Variants in MCC observed in about 807,000 individuals in gnomAD.
The protein encoded by MCC is colorectal mutant cancer protein.
MCC carries 90 observed loss-of-function variants against 116.2 expected under a neutral mutation model. The observed-to-expected ratio is 0.77, with a 90% CI of 0.65 to 0.92. The LOEUF (loss-of-function observed/expected upper bound fraction) is 0.92, where lower values mean the gene tolerates loss of function less well. Ranked by LOEUF, MCC falls within the 40% of genes least tolerant of loss-of-function variation. MCC has a pLI of 0.00. For missense variants in MCC, 1,516 were observed against 1,312.2 expected, an observed-to-expected ratio of 1.16 and a Z score of -2.40; for synonymous variants, 578 against 510.5, an observed-to-expected ratio of 1.13 and a Z score of -1.78.
At chr5:113,450,007 T>C (rs570370623) in intron 1 of MCC, among the ~76,000 whole-genome samples, 13 of 152,300 alleles carry the variant, frequency 8.5e-5, no homozygotes, top group African/African-American at 1.9e-4. Flanking sequence ...GTTTGCACAA[T>C]TGCACAATGT....
intron 13 of MCC, among the ~76,000 whole-genome samples, chr5:113,066,201 C>A (rs1455736385): frequency 1.3e-5 from 2 of 152,140 alleles, no homozygotes; most frequent in South Asian, 4.1e-4. Flanking sequence ...AATAACTGCA[C>A]TGAGTAGGTA....
chr5:113,050,762 T>C (rs1752431502), intron 15 of MCC, among the ~76,000 whole-genome samples: 1 of 152,114 alleles, frequency 6.6e-6, no homozygotes. Flanking sequence ...GTGCCAGAAA[T>C]GAAGAGGGAA....
intron 2 of MCC, among the ~76,000 whole-genome samples, chr5:113,380,412 C>T (rs563095402): frequency 6.6e-6 from 1 of 152,232 alleles, no homozygotes. Flanking sequence ...TGTGCTTATG[C>T]ATCCACAATC....
intron 3 of MCC, among the ~76,000 whole-genome samples, chr5:113,153,931 C>T (rs1760028670): frequency 6.6e-6 from 1 of 152,244 alleles, no homozygotes; most frequent in African/African-American, 2.4e-5. Context: ...AGGGCCAAGG[C>T]CACAGCACTC....
chr5:113,304,119 G>A (rs1271310042), intron 3 of MCC, among the ~76,000 whole-genome samples: 2 of 152,124 alleles, frequency 1.3e-5, no homozygotes, highest in African/African-American at 4.8e-5. Context: ...TAGAGAATCT[G>A]GGCTGTTAGC....
intron 11 of MCC, among the ~76,000 whole-genome samples, chr5:113,072,803 C>A (rs1754129845): frequency 6.6e-6 from 1 of 152,228 alleles, no homozygotes; most frequent in African/African-American, 2.4e-5. Context: ...TCACAACTTT[C>A]TCTAGCCCAG....
chr5:113,434,195 G>T lies in MCC; in HGVS notation c.171-48983C>A. On this transcript the variant is annotated intron_variant, in intron 1 of 18. Coordinates refer to ENST00000408903, the MANE Select transcript of MCC (RefSeq NM_001085377.2). This position sits in a 1 kb window ranked among gnomAD's most constrained non-coding sequence, Gnocchi z 4.2. ...TCTTCTTGATGTTGGAGTCGTCGTA[G>T]GGCATGGAGCCGCAGACCATGATGT... The T allele has an allele frequency of 6.2e-7, 1 of 1,614,136 alleles. No individual in the cohort carries two copies. The highest frequency in any genetic ancestry group is 8.5e-7 in the Non-Finnish European group (1 of 1,179,992).
chr5:113,062,246 A>C (rs758345174), intron 14 of MCC, among the ~76,000 whole-genome samples: 22 of 152,220 alleles, frequency 1.4e-4, no homozygotes, highest in Non-Finnish European at 2.6e-4. Flanking sequence ...AATTTATCTC[A>C]ATCTGCAGAA....
At chr5:113,248,614 C>T (rs17135493) in intron 3 of MCC, among the ~76,000 whole-genome samples, 18,219 of 152,008 alleles carry the variant, frequency 0.12, 2,635 homozygotes, top group African/African-American at 0.35. Context: ...AGTGTTGAAA[C>T]CCCGGTTGAC....
chr5:113,218,075 G>A (rs1275004061), intron 3 of MCC, among the ~76,000 whole-genome samples: 1 of 146,442 alleles, frequency 6.8e-6, no homozygotes, highest in Non-Finnish European at 1.5e-5. Context: ...CTCTTAAGAA[G>A]CCAGAAGGAT....
At chr5:113,299,624 G>A (rs1184867367) in intron 3 of MCC, among the ~76,000 whole-genome samples, 1 of 152,148 alleles carries the variant, frequency 6.6e-6, no homozygotes, top group Non-Finnish European at 1.5e-5. Context: ...ATAAGTAAAA[G>A]GTTTCACAAT....
chr5:113,102,437 C>A (rs1756480139), intron 7 of MCC, among the ~76,000 whole-genome samples: 1 of 152,204 alleles, frequency 6.6e-6, no homozygotes, highest in Non-Finnish European at 1.5e-5. Context: ...TTACCATTTC[C>A]AGCTTTTAGT....
chr5:113,088,279 G>T lies in MCC; in HGVS notation c.1399-2969C>A, dbSNP rs545591863. Among the ~76,000 whole-genome samples, 26 of 152,066 alleles carry T rather than the reference G, an allele frequency of 1.7e-4. No individual in the cohort carries two copies. The East Asian group carries it at 4.5e-3, about 26-fold the overall frequency. ...TGAGAGTGAGAATCTTAATTTACAG[G>T]AATAAATGCAAGAAACTAAGGCTAA... On this transcript the variant is annotated intron_variant, in intron 8 of 18. Coordinates refer to ENST00000408903, the MANE Select transcript of MCC (RefSeq NM_001085377.2).
At chr5:113,291,289 T>C (rs1231359502) in intron 3 of MCC, among the ~76,000 whole-genome samples, 2 of 152,050 alleles carry the variant, frequency 1.3e-5, no homozygotes, top group African/African-American at 2.4e-5. Context: ...ATTCCTGGAG[T>C]ACTAGGTGCA....
At chr5:113,065,672 T>C (rs1753554129) in intron 13 of MCC, among the ~76,000 whole-genome samples, 2 of 152,082 alleles carry the variant, frequency 1.3e-5, no homozygotes, top group African/African-American at 2.4e-5. Flanking sequence ...AATGAAAGAA[T>C]GAACAGAATG....
At chr5:113,364,456 G>C (rs956570764) in intron 2 of MCC, among the ~76,000 whole-genome samples, 9 of 152,158 alleles carry the variant, frequency 5.9e-5, no homozygotes, top group African/African-American at 2.4e-5. Flanking sequence ...AGCCCCTGTG[G>C]CTACTTTCAT....
chr5:113,135,311 T>G (rs773821597), intron 5 of MCC, among the ~76,000 whole-genome samples: 2 of 148,908 alleles, frequency 1.3e-5, no homozygotes, highest in East Asian at 4.2e-4. Context: ...TCCCAGCACT[T>G]TGGGAGGCCG....
chr5:113,385,306 T>C, intron 1 of MCC, 94 bp from the exon 2 acceptor site: 3 of 1,266,456 alleles, frequency 2.4e-6, no homozygotes, highest in East Asian at 2.4e-5. Context: ...TTCTTAAATA[T>C]ATTCACATAC....
intron 11 of MCC, among the ~76,000 whole-genome samples, chr5:113,076,073 A>C (rs1246237156): frequency 6.6e-6 from 1 of 152,156 alleles, no homozygotes; most frequent in African/African-American, 2.4e-5. Context: ...ATCTTTAAGA[A>C]CTGTAACACT....
Sources: allele counts gnomAD v4.1 joint callset (sites outside exome capture counted in the v4.1 genomes callset), GRCh38; gene constraint gnomAD v4.1.1; non-coding constraint Gnocchi (gnomAD v3.1); transcripts MANE v1.5; gene names NCBI Gene and HGNC (gene_info 2026-07-23, HGNC 2026-07-21).